The following PTPRD variants were observed in gnomAD, a reference collection of about 807,000 sequenced individuals.
PTPRD encodes the protein protein tyrosine phosphatase receptor type D, also known as receptor-type tyrosine-protein phosphatase delta.
PTPRD carries 34 observed loss-of-function variants against 214.5 expected under a neutral mutation model. The observed-to-expected ratio is 0.16, with a 90% CI of 0.12 to 0.21. The LOEUF is 0.21. Among genes scored for constraint, PTPRD ranks in the 10% least tolerant of loss-of-function variants. The probability of loss-of-function intolerance (pLI) is 1.00; values close to 1 mark genes in which losing one functional copy is unlikely to be tolerated. For missense variants in PTPRD, 2,545 were observed against 2,398.7 expected (o/e 1.06, Z -1.27); for synonymous variants, 1,128 against 845.7 (o/e 1.33, Z -5.79).
intron 4 of PTPRD, among the ~76,000 whole-genome samples, chr9:10,023,354 T>A (rs971860839): frequency 6.6e-6 from 1 of 152,256 alleles, no homozygotes; most frequent in South Asian, 2.1e-4. Context: ...GCCACAGACA[T>A]GTATGCCTGA....
At chr9:8,891,315 G>T (rs1415235740) in intron 11 of PTPRD, among the ~76,000 whole-genome samples, 2 of 151,708 alleles carry the variant, frequency 1.3e-5, no homozygotes, top group African/African-American at 4.8e-5. Context: ...TGTATTTTTA[G>T]TAGAGACGGA....
intron 30 of PTPRD, among the ~76,000 whole-genome samples, chr9:8,474,588 G>C (rs927887846): frequency 6.6e-6 from 1 of 152,160 alleles, no homozygotes; most frequent in Admixed American, 6.6e-5. Flanking sequence ...AACACGGCCT[G>C]GCAATCTTAC....
chr9:8,800,012 C>G (rs2096539406), intron 11 of PTPRD, among the ~76,000 whole-genome samples: 1 of 151,916 alleles, frequency 6.6e-6, no homozygotes, highest in African/African-American at 2.4e-5. Flanking sequence ...AGATGATAAA[C>G]AAACATTCAT....
At chr9:8,345,125 G>A (rs1216855746) in intron 39 of PTPRD, among the ~76,000 whole-genome samples, 1 of 151,870 alleles carries the variant, frequency 6.6e-6, no homozygotes, top group African/African-American at 2.4e-5. Flanking sequence ...CAATAAATGT[G>A]CCTTATACCT....
At chr9:9,790,585 C>A (rs1007361695) in intron 5 of PTPRD, among the ~76,000 whole-genome samples, 4 of 152,104 alleles carry the variant, frequency 2.6e-5, no homozygotes, top group African/African-American at 9.7e-5. Context: ...GAACTCAATA[C>A]TAGTTTAATA....
At chr9:9,748,657 TG>T (rs113636371) in intron 6 of PTPRD, among the ~76,000 whole-genome samples, 86 of 152,276 alleles carry the variant, frequency 5.6e-4, no homozygotes, top group African/African-American at 2.0e-3. Context: ...CCACACTACT[TG>T]GGAATCAGAG....
chr9:9,717,950 C>T (rs557061526), intron 7 of PTPRD, among the ~76,000 whole-genome samples: 17 of 152,032 alleles, frequency 1.1e-4, no homozygotes, highest in Non-Finnish European at 2.1e-4. Flanking sequence ...TCCATTTTGT[C>T]TTTGTAAATC....
chr9:8,735,962 G>T (rs900693821), intron 11 of PTPRD, among the ~76,000 whole-genome samples: 2 of 149,650 alleles, frequency 1.3e-5, no homozygotes, highest in African/African-American at 4.9e-5. Context: ...ATAGGTCACA[G>T]AGAGCCTTGG....
chr9:9,580,561 T>TTG (rs1301199840), intron 7 of PTPRD, among the ~76,000 whole-genome samples: 4 of 147,236 alleles, frequency 2.7e-5, no homozygotes, highest in African/African-American at 1.0e-4. Flanking sequence ...TTTTTTTTTT[T>TTG]TTTTTGAGAC....
chr9:10,189,522 T>A (rs1469745289), intron 3 of PTPRD, among the ~76,000 whole-genome samples: 1 of 152,134 alleles, frequency 6.6e-6, no homozygotes, highest in Admixed American at 6.6e-5. Context: ...ATGGAGAATA[T>A]ATTCCACCCT....
chr9:8,810,762 A>C (rs1294115511), intron 11 of PTPRD, among the ~76,000 whole-genome samples: 1 of 152,218 alleles, frequency 6.6e-6, no homozygotes, highest in African/African-American at 2.4e-5. Flanking sequence ...CTTCAGAACT[A>C]ACTCTAATAA....
intron 9 of PTPRD, among the ~76,000 whole-genome samples, chr9:9,390,625 G>C (rs569421137): frequency 2.0e-5 from 3 of 152,280 alleles, no homozygotes; most frequent in Non-Finnish European, 2.9e-5. Context: ...AGATCAAGGA[G>C]ATAACTCTTG....
chr9:10,401,452 G>T (rs1232010836), intron 2 of PTPRD, among the ~76,000 whole-genome samples: 20 of 150,892 alleles, frequency 1.3e-4, no homozygotes, highest in Non-Finnish European at 2.7e-4. Context: ...GGATAAAATT[G>T]GTTCCTATGG....
intron 21 of PTPRD, among the ~76,000 whole-genome samples, chr9:8,514,121 C>T (rs1436651950): frequency 6.6e-6 from 1 of 152,022 alleles, no homozygotes; most frequent in Non-Finnish European, 1.5e-5. Flanking sequence ...GATAATGCTA[C>T]CTTCACTGAG....
At chr9:8,521,256 A>G (rs751468888) in intron 20 of PTPRD, 21 bp downstream of exon 20, 1 of 1,595,002 alleles carries the variant, frequency 6.3e-7, no homozygotes, top group Non-Finnish European at 8.6e-7. Flanking sequence ...AGATCCTCAA[A>G]GCATAATCCA....
intron 5 of PTPRD, among the ~76,000 whole-genome samples, chr9:9,820,604 CT>C (rs2050378182): frequency 6.6e-6 from 1 of 151,980 alleles, no homozygotes; most frequent in Non-Finnish European, 1.5e-5. Context: ...TTCTAGGATT[CT>C]TGTGGTTTGA....
At chr9:9,680,896 T>C (rs187705569) in intron 7 of PTPRD, among the ~76,000 whole-genome samples, 9 of 151,928 alleles carry the variant, frequency 5.9e-5, no homozygotes, top group Admixed American at 4.6e-4. Flanking sequence ...AGCATTAATA[T>C]TGTGGTACCC....
At chr9:10,611,496 T>A (rs925831834) in intron 2 of PTPRD, among the ~76,000 whole-genome samples, 12 of 152,192 alleles carry the variant, frequency 7.9e-5, no homozygotes, top group Admixed American at 2.6e-4. Flanking sequence ...TACATGTTTT[T>A]TATATATATG....
intron 6 of PTPRD, among the ~76,000 whole-genome samples, chr9:9,757,460 A>AT (rs1198835729): frequency 6.6e-6 from 1 of 152,158 alleles, no homozygotes; most frequent in Non-Finnish European, 1.5e-5. Flanking sequence ...TTTAATGTAA[A>AT]TTTTCAGTAT....
Sources: allele counts gnomAD v4.1 joint callset (sites outside exome capture counted in the v4.1 genomes callset), GRCh38; gene constraint gnomAD v4.1.1; transcripts MANE v1.5; gene names NCBI Gene and HGNC (gene_info 2026-07-23, HGNC 2026-07-21).